Variants in FOCAD observed in about 807,000 individuals in gnomAD.
FOCAD encodes focadhesin, also known as KIAA1797.
Under a neutral mutation model 225.6 loss-of-function variants are expected in FOCAD, and 198 were observed. That is an observed-to-expected ratio of 0.88 (90% CI 0.78 to 0.99). The LOEUF is 0.99. FOCAD is among the 50% of genes least tolerant of loss of function. The pLI is 0.00. For missense variants in FOCAD, 2,713 were observed against 2,123.6 expected (o/e 1.28, Z -5.46); for synonymous variants, 897 against 755.0 (o/e 1.19, Z -3.08).
chr9:20,807,226 T>C lies in FOCAD; in HGVS notation c.1456-12570T>C, dbSNP rs1564015135. Among the ~76,000 whole-genome samples the C allele has an allele frequency of 3.9e-5, 6 of 152,242 alleles. No homozygotes were observed. In the South Asian group the frequency reaches 1.0e-3, roughly 26 times the overall value. ...CTGCTACTGTATATTCCAGGAGCGG[T>C]GCTAGACTGTTTAGCTAGATGACAT... On this transcript the variant is annotated intron_variant, in intron 11 of 43. Transcript: ENST00000338382.
intron 9 of FOCAD, among the ~76,000 whole-genome samples, chr9:20,780,176 C>G (rs1490403407): frequency 6.6e-6 from 1 of 152,154 alleles, no homozygotes; most frequent in African/African-American, 2.4e-5. Flanking sequence ...ATCATCTGCC[C>G]AAAATTTCTT....
chr9:20,920,823 G>T (rs1056754947), intron 24 of FOCAD, among the ~76,000 whole-genome samples: 12 of 150,728 alleles, frequency 8.0e-5, no homozygotes, highest in Non-Finnish European at 1.8e-4. Context: ...TGGGGTGGGG[G>T]GAGTGGGGAG....
chr9:20,905,202 A>C (rs911707859), intron 21 of FOCAD, among the ~76,000 whole-genome samples: 1 of 151,990 alleles, frequency 6.6e-6, no homozygotes, highest in African/African-American at 2.4e-5. Context: ...GAAGCTTTCT[A>C]CTGTGCTCCT....
intron 15 of FOCAD, among the ~76,000 whole-genome samples, chr9:20,847,114 A>G (rs551880348): frequency 1.3e-5 from 2 of 152,246 alleles, no homozygotes; most frequent in East Asian, 3.9e-4. Flanking sequence ...TTAATCGTGC[A>G]TTTCAATTGT....
At chr9:20,959,806 G>C (rs753366857) in intron 35 of FOCAD, among the ~76,000 whole-genome samples, 11 of 152,056 alleles carry the variant, frequency 7.2e-5, no homozygotes, top group Non-Finnish European at 7.4e-5. Flanking sequence ...TCCCCACTGA[G>C]TGTTCTTGAC....
intron 21 of FOCAD, among the ~76,000 whole-genome samples, chr9:20,905,019 G>A (rs1460181164): frequency 2.6e-5 from 4 of 151,966 alleles, no homozygotes; most frequent in Non-Finnish European, 4.4e-5. Context: ...GTGACACAAT[G>A]GGAATGTAAG....
At chr9:20,837,999 C>T (rs892504903) in intron 15 of FOCAD, among the ~76,000 whole-genome samples, 7 of 152,012 alleles carry the variant, frequency 4.6e-5, no homozygotes, top group East Asian at 3.9e-4. Context: ...ATTAAGACAG[C>T]GAGACTGGTA....
At chr9:20,899,894 C>T (rs1183974347) in intron 21 of FOCAD, among the ~76,000 whole-genome samples, 1 of 151,886 alleles carries the variant, frequency 6.6e-6, no homozygotes, top group African/African-American at 2.4e-5. Flanking sequence ...AGGAGCAGTT[C>T]TGCAGAATGA....
chr9:20,804,125 A>T (rs1421913203), intron 11 of FOCAD, among the ~76,000 whole-genome samples: 2 of 152,052 alleles, frequency 1.3e-5, no homozygotes, highest in Non-Finnish European at 2.9e-5. Context: ...TCCACTTTAA[A>T]TTTTTTTTGT....
intron 11 of FOCAD, among the ~76,000 whole-genome samples, chr9:20,813,431 G>T (rs1269213409): frequency 6.6e-6 from 1 of 152,034 alleles, no homozygotes; most frequent in East Asian, 1.9e-4. Flanking sequence ...GAACCTTCAT[G>T]CTGTTACCCA....
chr9:20,803,432 C>G (rs1019121824), intron 11 of FOCAD, among the ~76,000 whole-genome samples: 5 of 152,012 alleles, frequency 3.3e-5, no homozygotes, highest in African/African-American at 1.2e-4. Flanking sequence ...GAGTAATGGT[C>G]TGCTTAGTTG....
intron 4 of FOCAD, among the ~76,000 whole-genome samples, chr9:20,731,185 C>T (rs370156171): frequency 9.2e-5 from 14 of 152,226 alleles, no homozygotes; most frequent in African/African-American, 3.1e-4. Context: ...TTGCAGTGAG[C>T]CAAGATCGTG....
At chr9:20,658,233 T>G (rs1821576891), upstream of FOCAD, 1 of 153,112 alleles carries the variant, frequency 6.5e-6, no homozygotes. Context: ...GTCTTTTTGT[T>G]TGTCTGTGCC....
chr9:20,755,046 C>G (rs554258901), intron 5 of FOCAD, among the ~76,000 whole-genome samples: 14 of 152,204 alleles, frequency 9.2e-5, no homozygotes, highest in African/African-American at 2.9e-4. Context: ...GGTTAGTATA[C>G]TTAGTTGAAA....
chr9:20,885,719 G>T (rs1212977732), intron 21 of FOCAD, among the ~76,000 whole-genome samples: 1 of 152,146 alleles, frequency 6.6e-6, no homozygotes, highest in Non-Finnish European at 1.5e-5. Flanking sequence ...TCTATTAGAT[G>T]ATTTATATGA....
chr9:20,984,273 T>C (rs1208521540), intron 39 of FOCAD, among the ~76,000 whole-genome samples: 2 of 152,186 alleles, frequency 1.3e-5, no homozygotes, highest in Non-Finnish European at 2.9e-5. Context: ...TCTGTAAAGG[T>C]GGGACTTTAA....
intron 35 of FOCAD, among the ~76,000 whole-genome samples, chr9:20,970,020 T>C (rs1276143762): frequency 1.3e-5 from 2 of 151,336 alleles, no homozygotes; most frequent in African/African-American, 2.4e-5. Context: ...GTAAAAGGTG[T>C]TATCCTGTTC....
chr9:20,922,127 T>C (rs1250406718), intron 24 of FOCAD, among the ~76,000 whole-genome samples: 1 of 152,236 alleles, frequency 6.6e-6, no homozygotes, highest in Non-Finnish European at 1.5e-5. Context: ...CTAGGGCACC[T>C]AGGAATGACC....
chr9:20,863,537 A>G (rs1178633187), intron 16 of FOCAD: 1 of 152,154 alleles, frequency 6.6e-6, no homozygotes, highest in African/African-American at 2.4e-5. Context: ...TACCTGGTGC[A>G]TAATCTATAT....
Sources: allele counts gnomAD v4.1 joint callset (sites outside exome capture counted in the v4.1 genomes callset), GRCh38; gene constraint gnomAD v4.1.1; transcripts MANE v1.5; gene names NCBI Gene and HGNC (gene_info 2026-07-23, HGNC 2026-07-21).